C13orf42: variants seen among roughly 807,000 people sequenced by gnomAD.
C13orf42 encodes chromosome 13 open reading frame 42.
chr13:51,124,916 G>T (rs1953563730), intron 1 of C13orf42, among the ~76,000 whole-genome samples: 1 of 151,948 alleles, frequency 6.6e-6, no homozygotes, highest in African/African-American at 2.4e-5. Flanking sequence ...CTTTAATGCA[G>T]GGTCTTCCTT....
chr13:51,128,387 G>A (rs1953591463), intron 1 of C13orf42, among the ~76,000 whole-genome samples: 1 of 152,186 alleles, frequency 6.6e-6, no homozygotes, highest in South Asian at 2.1e-4. Context: ...GGATGACACT[G>A]AGGAGAACCC....
At chr13:51,088,578 T>C (rs1201529417) in intron 1 of C13orf42, among the ~76,000 whole-genome samples, 4 of 152,198 alleles carry the variant, frequency 2.6e-5, no homozygotes, top group Non-Finnish European at 2.9e-5. Flanking sequence ...AAAGGATAAA[T>C]GCTTGAGGGG....
At chr13:51,139,496 A>C (rs899665996) in intron 1 of C13orf42, among the ~76,000 whole-genome samples, 1 of 152,220 alleles carries the variant, frequency 6.6e-6, no homozygotes, top group African/African-American at 2.4e-5. Context: ...AATGAGGCTG[A>C]GACCTGCTGG....
At chr13:51,167,116 A>C (rs1341773057) in intron 1 of C13orf42, among the ~76,000 whole-genome samples, 3 of 152,066 alleles carry the variant, frequency 2.0e-5, no homozygotes, top group Non-Finnish European at 2.9e-5. Context: ...ACAAATATGA[A>C]ACACCTGATG....
chr13:51,098,293 G>A (rs756735006), intron 1 of C13orf42, among the ~76,000 whole-genome samples: 2 of 151,794 alleles, frequency 1.3e-5, no homozygotes, highest in East Asian at 1.9e-4. Flanking sequence ...TAAACTTCCC[G>A]TTGTAAACAG....
intron 1 of C13orf42, among the ~76,000 whole-genome samples, chr13:51,144,403 G>A (rs1953719400): frequency 8.5e-6 from 1 of 118,042 alleles, no homozygotes; most frequent in Non-Finnish European, 1.9e-5. Context: ...ACAAAATTTA[G>A]AGCATATTTG....
chr13:51,110,674 C>T, intron 1 of C13orf42, 122 bp downstream of exon 1: 1 of 396,862 alleles, frequency 2.5e-6, no homozygotes, highest in Non-Finnish European at 4.4e-6. Context: ...AGGACTATTG[C>T]GCCGCGGCTC....
chr13:51,125,064 G>A (rs563410327), intron 1 of C13orf42, among the ~76,000 whole-genome samples: 42 of 152,240 alleles, frequency 2.8e-4, no homozygotes, highest in African/African-American at 9.1e-4. Flanking sequence ...CTGGAAAAAG[G>A]GCCTAAAGAT....
At chr13:51,137,744 ACT>A (rs1953668622) in intron 1 of C13orf42, among the ~76,000 whole-genome samples, 1 of 151,964 alleles carries the variant, frequency 6.6e-6, no homozygotes, top group Non-Finnish European at 1.5e-5. Context: ...CATTGTAAAA[ACT>A]CTGGAAGTTT....
At chr13:51,117,836 T>A (rs1213977104) in intron 1 of C13orf42, among the ~76,000 whole-genome samples, 2 of 152,164 alleles carry the variant, frequency 1.3e-5, no homozygotes, top group African/African-American at 4.8e-5. Flanking sequence ...CCAGGGGAGA[T>A]GTCTCTGCTC....
At position 51,100,912 on chromosome 13, in the gene C13orf42, T is replaced by C. The variant is rs1023380521; in HGVS notation, c.414+9884A>G. ...TTTGTAGAAGGTGAGTTGTTAAATT[T>C]GCCTTTTAAGCTTTTGTTTTCAAAA... On this transcript the variant is annotated intron_variant, in intron 1 of 3. Coordinates refer to ENST00000563710, the MANE Select transcript of C13orf42 (RefSeq NM_001351589.3). Among the ~76,000 whole-genome samples, 10 of 152,222 alleles carry C rather than the reference T, an allele frequency of 6.6e-5. No homozygotes were observed. The East Asian group carries it at 1.9e-3, about 29-fold the overall frequency.
chr13:51,130,666 C>CAA (rs60917969), intron 1 of C13orf42, among the ~76,000 whole-genome samples: 8,093 of 152,178 alleles, frequency 0.053, 232 homozygotes, highest in African/African-American at 0.085. Context: ...CGGAAAGAAT[C>CAA]AGACCTTATC....
chr13:51,126,540 T>C (rs1399252514), intron 1 of C13orf42, among the ~76,000 whole-genome samples: 1 of 152,244 alleles, frequency 6.6e-6, no homozygotes, highest in Non-Finnish European at 1.5e-5. Flanking sequence ...ATTTGTTAAA[T>C]TGTCCACATG....
intron 1 of C13orf42, among the ~76,000 whole-genome samples, chr13:51,160,155 A>G (rs898044363): frequency 9.2e-5 from 14 of 152,216 alleles, no homozygotes; most frequent in Admixed American, 6.5e-5. Context: ...CAGCCAAACC[A>G]TATCAGACAG....
At chr13:51,170,496 T>C (rs1953939792) in intron 1 of C13orf42, among the ~76,000 whole-genome samples, 1 of 152,094 alleles carries the variant, frequency 6.6e-6, no homozygotes, top group Non-Finnish European at 1.5e-5. Flanking sequence ...TTCTCCAATC[T>C]CCCTCACTAT....
chr13:51,103,403 G>C (rs1953313559), intron 1 of C13orf42, among the ~76,000 whole-genome samples: 1 of 152,142 alleles, frequency 6.6e-6, no homozygotes, highest in South Asian at 2.1e-4. Context: ...ATCAGTCATA[G>C]AAAGAAAGGA....
intron 1 of C13orf42, among the ~76,000 whole-genome samples, chr13:51,149,900 C>G (rs548039678): frequency 2.0e-5 from 3 of 152,314 alleles, no homozygotes; most frequent in African/African-American, 7.2e-5. Context: ...CTAACCCTGT[C>G]TTCAAGAGTC....
At chr13:51,127,286 T>C (rs1169395222) in intron 1 of C13orf42, among the ~76,000 whole-genome samples, 1 of 152,216 alleles carries the variant, frequency 6.6e-6, no homozygotes. Flanking sequence ...AGCCTCAGTC[T>C]AGGCAATTTA....
chr13:51,153,621 GTTTTT>G (rs1202370498), intron 1 of C13orf42, among the ~76,000 whole-genome samples: 16 of 82,034 alleles, frequency 2.0e-4, no homozygotes, highest in Non-Finnish European at 3.1e-4. Flanking sequence ...CTTGCTTTCT[GTTTTT>G]TTTCTTTTTT....
Sources: gnomAD v4.1 joint callset for allele counts (sites outside exome capture counted in the v4.1 genomes callset) on GRCh38, gnomAD v4.1.1 for gene constraint, MANE v1.5 for transcripts, NCBI Gene and HGNC (gene_info 2026-07-23, HGNC 2026-07-21) for gene names.